Variants in AKR1B15 observed in about 807,000 individuals in gnomAD.
AKR1B15 encodes estradiol 17-beta-dehydrogenase AKR1B15.
In AKR1B15, 49 loss-of-function variants were observed where a neutral mutation model predicts 38.5. The observed-to-expected ratio is 1.27, with a 90% CI of 1.01 to 1.62. AKR1B15 has a LOEUF of 1.62. Among genes scored for constraint, AKR1B15 ranks in the 40% most tolerant of loss-of-function variants. AKR1B15 has a pLI of 0.00. For missense variants in AKR1B15, 411 were observed against 381.6 expected, an observed-to-expected ratio of 1.08 and a Z score of -0.64; for synonymous variants, 137 against 135.5, an observed-to-expected ratio of 1.01 and a Z score of -0.08.
intron 6 of AKR1B15, among the ~76,000 whole-genome samples, 175 bp downstream of exon 6, chr7:134,571,856 T>C (rs780625136): frequency 4.6e-5 from 7 of 152,210 alleles, no homozygotes; most frequent in Non-Finnish European, 1.0e-4. Flanking sequence ...TCTGATACTA[T>C]TTATATTTCA....
At position 134,577,789 on chromosome 7, in the gene AKR1B15, A is replaced by T; in HGVS notation, c.992+3A>T. On this transcript the variant is annotated splice_donor_region_variant and intron_variant, in intron 11 of 11. Transcript: ENST00000457545. Reference sequence around the variant, plus strand: ...TGGAGGGCCTTTGACTTCAAGGAGTAAGTGGCATGGAGTTAACTAGAAGAA... The same window carrying T: ...TGGAGGGCCTTTGACTTCAAGGAGTTAGTGGCATGGAGTTAACTAGAAGAA... 3 of 1,613,778 alleles carry T rather than the reference A, an allele frequency of 1.9e-6. No homozygotes were observed. Among genetic ancestry groups the T allele is most frequent in the Non-Finnish European group, 2.5e-6 (3 of 1,179,848 alleles).
chr7:134,562,832 C>CTATTTCTTTCTTTCTTTCTT (rs1554402357), intron 2 of AKR1B15, among the ~76,000 whole-genome samples: 1 of 122,600 alleles, frequency 8.2e-6, no homozygotes, highest in Non-Finnish European at 1.7e-5. Flanking sequence ...TCCTTCCTTT[C>CTATTTCTTTCTTTCTTTCTT]TCTTTCTTTC....
Position 134,566,946 on chromosome 7 carries a change from C to G in AKR1B15, c.151-1212C>G, listed in dbSNP as rs567318484. On this transcript the variant is annotated intron_variant, in intron 3 of 11. Transcript: ENST00000457545. ...CCAGATCTCCAGGGAATCTGCTCAC[C>G]CTTCATAAGTTTACTAGACAGTTTC... 4.1e-4 allele frequency among the ~76,000 whole-genome samples: 63 copies of G among 152,274 alleles called. 1 individual carries two copies. The highest frequency in any genetic ancestry group is 1.4e-3 in the African/African-American group (57 of 41,544).
intron 1 of AKR1B15, among the ~76,000 whole-genome samples, chr7:134,553,634 G>A (rs1018291747): frequency 3.9e-5 from 6 of 152,192 alleles, no homozygotes; most frequent in African/African-American, 1.2e-4. Flanking sequence ...AATGGATGTC[G>A]AATGCTCGCA....
intron 3 of AKR1B15, 64 bp downstream of exon 3, chr7:134,564,833 G>T (rs763100302): frequency 1.8e-5 from 10 of 542,662 alleles, no homozygotes; most frequent in Non-Finnish European, 2.9e-5. Flanking sequence ...GTTTAGATGG[G>T]GGATTGAGAG....
rs139060112 is a variant in AKR1B15 at position 134,568,494 on chromosome 7, T to C, written c.318+169T>C. 6.0e-3 allele frequency among the ~76,000 whole-genome samples: 910 copies of C among 152,332 alleles called. 9 individuals carry two copies. The highest frequency in any genetic ancestry group is 0.021 in the African/African-American group (864 of 41,578). Reference sequence around the variant, plus strand: ...TATCCATACTCCAAGCCGTTATTGATATTTGAACATGTCGTGGCTGCCCCA... The same window carrying C: ...TATCCATACTCCAAGCCGTTATTGACATTTGAACATGTCGTGGCTGCCCCA... On this transcript the variant is annotated intron_variant, in intron 4 of 11. Transcript: ENST00000457545.
chr7:134,555,918 T>C (rs995439470), intron 1 of AKR1B15, among the ~76,000 whole-genome samples: 2 of 152,202 alleles, frequency 1.3e-5, no homozygotes, highest in Admixed American at 1.3e-4. Flanking sequence ...CCTTGGCCAC[T>C]TACTCTGGAG....
intron 7 of AKR1B15, 53 bp from the exon 8 acceptor site, chr7:134,575,768 C>G: frequency 6.2e-7 from 1 of 1,603,246 alleles, no homozygotes. Context: ...TCCCTAGGAA[C>G]AATGCAAAAC....
intron 1 of AKR1B15, among the ~76,000 whole-genome samples, chr7:134,556,012 A>C (rs185583521): frequency 6.6e-6 from 1 of 152,182 alleles, no homozygotes; most frequent in Non-Finnish European, 1.5e-5. Flanking sequence ...TCCTCTTACT[A>C]TAACTCTCCG....
At chr7:134,562,037 G>A (rs983750025) in intron 2 of AKR1B15, among the ~76,000 whole-genome samples, 3 of 152,110 alleles carry the variant, frequency 2.0e-5, no homozygotes, top group African/African-American at 7.2e-5. Context: ...AGGCTGGAGT[G>A]CAGTGGCACA....
intron 5 of AKR1B15, 185 bp downstream of exon 5, chr7:134,569,714 T>C: frequency 3.5e-6 from 2 of 576,644 alleles, no homozygotes; most frequent in South Asian, 4.7e-5. Flanking sequence ...CTGCAATCTC[T>C]GAACATAAAT....
intron 6 of AKR1B15, among the ~76,000 whole-genome samples, chr7:134,572,224 G>A (rs747298467): frequency 6.6e-6 from 1 of 152,122 alleles, no homozygotes; most frequent in Non-Finnish European, 1.5e-5. Context: ...ACCTAGATTG[G>A]TTGGTGACTT....
rs1280472075 is a variant in AKR1B15, at chr7:134,568,265, C to CATCCAAGAGAAG, written c.271_282dup (p.Ile91_Lys94dup). The CATCCAAGAGAAG allele has an allele frequency of 6.2e-7, 1 of 1,613,974 alleles. No individual in the cohort carries two copies. Among genetic ancestry groups the CATCCAAGAGAAG allele is most frequent in the Non-Finnish European group, 8.5e-7 (1 of 1,180,000 alleles). On this transcript the variant is annotated inframe_insertion, in exon 4 of 12. Transcript: ENST00000457545. Reference sequence around the variant, plus strand: ...AGAATCAACATGAGGTGGGAGAAGCCATCCAAGAGAAGATCCAAGAGAAGG... The same window carrying CATCCAAGAGAAG: ...AGAATCAACATGAGGTGGGAGAAGCCATCCAAGAGAAGATCCAAGAGAAGATCCAAGAGAAGG...
At chr7:134,573,070 A>C (rs753300435) in intron 6 of AKR1B15, among the ~76,000 whole-genome samples, 1 of 152,224 alleles carries the variant, frequency 6.6e-6, no homozygotes, top group African/African-American at 2.4e-5. Context: ...TCACTCTGTC[A>C]CACAAGCTAG....
chr7:134,562,842 CTTT>C (rs1794440033), intron 2 of AKR1B15, among the ~76,000 whole-genome samples: 2 of 74,222 alleles, frequency 2.7e-5, no homozygotes, highest in Non-Finnish European at 5.6e-5. Context: ...CTCTTTCTTT[CTTT>C]CTTTCTTTCT....
At position 134,562,352 on chromosome 7, in the gene AKR1B15, G is replaced by A. The variant is rs550123077; in HGVS notation, c.-22-2246G>A. Among the ~76,000 whole-genome samples the A allele has an allele frequency of 8.5e-5, 13 of 152,252 alleles. No homozygotes were observed. The South Asian group carries it at 2.7e-3, about 32-fold the overall frequency. On this transcript the variant is annotated intron_variant, in intron 2 of 11. Transcript: ENST00000457545. Reference sequence around the variant, plus strand: ...TGCCTAAGCGTTGCTGCTGGGGGCTGGGGTGACCAGCTTTAATTCCCTTAT... The same window carrying A: ...TGCCTAAGCGTTGCTGCTGGGGGCTAGGGTGACCAGCTTTAATTCCCTTAT...
intron 6 of AKR1B15, 60 bp downstream of exon 6, chr7:134,571,741 C>T (rs1269953782): frequency 1.5e-6 from 2 of 1,343,772 alleles, no homozygotes; most frequent in African/African-American, 2.9e-5. Context: ...CCATGAGATT[C>T]CCATTGATAT....
intron 6 of AKR1B15, chr7:134,573,391 A>C (rs1467679731): frequency 1.0e-6 from 1 of 985,312 alleles, no homozygotes; most frequent in East Asian, 1.1e-4. Context: ...GAAGTATGGC[A>C]AGTATGTCAA....
At chr7:134,565,474 A>C (rs752501992) in intron 3 of AKR1B15, 1 of 1,613,304 alleles carries the variant, frequency 6.2e-7, no homozygotes, top group Non-Finnish European at 8.5e-7. Context: ...TCATTTCCGC[A>C]CCAACCATGG....
Sources: allele counts gnomAD v4.1 joint callset (sites outside exome capture counted in the v4.1 genomes callset), GRCh38; gene constraint gnomAD v4.1.1; transcripts MANE v1.5; gene names NCBI Gene and HGNC (gene_info 2026-07-23, HGNC 2026-07-21).